CNP: variants seen among roughly 807,000 people sequenced by gnomAD.
CNP encodes 2',3'-cyclic-nucleotide 3'-phosphodiesterase.
A neutral mutation model predicts 37.9 loss-of-function variants in CNP; 8 were observed. That is an observed-to-expected ratio of 0.21 (90% CI 0.12 to 0.38). The LOEUF (loss-of-function observed/expected upper bound fraction) is 0.38, where lower values mean the gene tolerates loss of function less well. CNP is among the 10% of genes least tolerant of loss of function. CNP has a pLI of 1.00. For synonymous variants in CNP, 237 were observed against 238.3 expected, an observed-to-expected ratio of 0.99 and a Z score of 0.05; for missense variants, 457 against 551.0, an observed-to-expected ratio of 0.83 and a Z score of 1.71.
chr17:41,968,169 C>T lies in CNP; in HGVS notation c.105C>T (p.Pro35=). The change falls in exon 2 of 4, where the codon CCC becomes CCT. Residue 35 remains proline, a synonymous_variant. Transcript: ENST00000393892. This position sits in a 1 kb window ranked among gnomAD's most constrained non-coding sequence, Gnocchi z 4.8. ...AGGACAAGCCTGAGCTGCAGTTTCCCTTCCTTCAGGATGAGGACACAGTGG... is the reference window on the plus strand; with the variant it reads ...AGGACAAGCCTGAGCTGCAGTTTCCTTTCCTTCAGGATGAGGACACAGTGG... ...GAKDKPELQF[P]FLQDEDTVAT... The T allele has an allele frequency of 6.2e-7, 1 of 1,614,224 alleles. No homozygotes were observed. Among genetic ancestry groups the T allele is most frequent in the Non-Finnish European group, 8.5e-7 (1 of 1,180,032 alleles).
In CNP at chr17:41,968,298, C is replaced by G. The variant is rs1555643222; in HGVS notation, c.234C>G (p.Thr78=). 6.2e-7 allele frequency: 1 copy of G among 1,614,104 alleles called. No homozygotes were observed. The highest frequency in any genetic ancestry group is 1.3e-5 in the African/African-American group (1 of 75,062). ...RVIVDKYRDG[T]KMVSADAYKI... The stretch of plus-strand genomic sequence containing the variant: ...TCGTGGACAAGTACCGTGATGGCAC[C>G]AAGATGGTGTCGGCTGACGCTTACA... Residue 78 remains threonine (T), a synonymous_variant, in exon 2 of 4, where the codon ACC becomes ACG. Coordinates refer to ENST00000393892, the MANE Select transcript of CNP (RefSeq NM_033133.5). The surrounding 1 kb of genome is among the most constrained non-coding windows in gnomAD (Gnocchi z 4.8).
chr17:41,966,871 C>T lies in CNP; in HGVS notation c.-14C>T, dbSNP rs1041811285. 13 of 1,352,440 alleles carry T rather than the reference C, an allele frequency of 9.6e-6. No homozygotes were observed. The highest frequency in any genetic ancestry group is 1.8e-5 in the South Asian group (1 of 56,702). The allele number at this position is 1,352,440 out of a possible 1,614,324, so 83.8% of individuals were successfully genotyped here. ...GTGCCGGCAGAGGCGGCGACGGTGG[C>T]GCCCCTCCTCATCATGGTGAGAGGC... On this transcript the variant is annotated 5_prime_UTR_variant, in exon 1 of 4. Coordinates refer to ENST00000393892, the MANE Select transcript of CNP (RefSeq NM_033133.5).
chr17:41,974,066 A>C lies in CNP; in HGVS notation c.*142A>C. On this transcript the variant is annotated 3_prime_UTR_variant, in exon 4 of 4. Coordinates refer to ENST00000393892, the MANE Select transcript of CNP (RefSeq NM_033133.5). ...CCTGTAACTTTTTAAAAACTTGTAA[A>C]ATAACTGACCCTCCCTTCCTGTCCG... 1.4e-6 allele frequency: 1 copy of C among 695,254 alleles called. No individual in the cohort carries two copies. 43.1% of individuals were successfully genotyped at this position (695,254 alleles called of 1,614,324 possible). A position where few individuals can be genotyped will look rare whatever the true frequency, so the allele number is the denominator to read the frequency against.
Position 41,975,040 on chromosome 17 carries a change from C to T in CNP, c.*1116C>T, listed in dbSNP as rs1244159906. 2.6e-5 allele frequency: 4 copies of T among 152,434 alleles called. No homozygotes were observed. The East Asian group carries it at 5.8e-4, about 22-fold the overall frequency. 9.4% of individuals were successfully genotyped at this position (152,434 alleles called of 1,614,324 possible). A position where few individuals can be genotyped will look rare whatever the true frequency, so the allele number is the denominator to read the frequency against. On this transcript the variant is annotated 3_prime_UTR_variant, in exon 4 of 4. Transcript: ENST00000393892. ...TGGTTCCTGGGGTGCCCTCCACTGC[C>T]CTCTGTTCAGTAACAGGGCCTTGCT...
Position 41,968,540 on chromosome 17 carries a change from C to T in CNP, c.476C>T (p.Ala159Val). The change falls in exon 2 of 4, where the codon GCC (alanine) becomes GTC (valine). Residue 159 changes from alanine (A) to valine (V), a missense_variant. Ala to Val is a moderately conservative substitution (Grantham distance 64). Around this residue, in one of 2 missense-constraint regions of CNP, gnomAD observed 166 missense variants for 259.3 expected, o/e 0.64. Coordinates refer to ENST00000393892, the MANE Select transcript of CNP (RefSeq NM_033133.5). The surrounding 1 kb of genome is among the most constrained non-coding windows in gnomAD (Gnocchi z 4.8). ...EPKTAWRLDC[A>V]QLKEKNQWQL... Reference sequence around the variant, plus strand: ...AAGACGGCGTGGCGGCTGGACTGTGCCCAGCTCAAGGAGAAGAACCAGTGG... The same window carrying T: ...AAGACGGCGTGGCGGCTGGACTGTGTCCAGCTCAAGGAGAAGAACCAGTGG... The T allele has an allele frequency of 6.2e-7, 1 of 1,614,092 alleles. No homozygotes were observed. The highest frequency in any genetic ancestry group is 1.3e-5 in the African/African-American group (1 of 75,024).
intron 3 of CNP, among the ~76,000 whole-genome samples, chr17:41,972,452 G>A (rs1555643977): frequency 6.6e-6 from 1 of 152,100 alleles, no homozygotes; most frequent in African/African-American, 2.4e-5. Context: ...CCAGAGTGAG[G>A]GAGTTTCATA....
rs2051022167 is a variant in CNP at position 41,973,468 on chromosome 17, TC to T, written c.817-3del. On this transcript the variant is annotated splice_region_variant and splice_polypyrimidine_tract_variant and intron_variant, in intron 3 of 3. Coordinates refer to ENST00000393892, the MANE Select transcript of CNP (RefSeq NM_033133.5). ...TAGCTTGGGCCCCTCTTTCTCACTC[TC>T]CCCAGGTGTTAAAGAAATCTTACTC... 1.2e-6 allele frequency: 2 copies of T among 1,609,200 alleles called. No individual in the cohort carries two copies. The highest frequency in any genetic ancestry group is 2.2e-5 in the East Asian group (1 of 44,798).
At chr17:41,967,800 C>T in intron 1 of CNP, 3 of 1,294,074 alleles carry the variant, frequency 2.3e-6, no homozygotes, top group Non-Finnish European at 3.0e-6. Flanking sequence ...GAACCGCAGG[C>T]TCCTGGCGCG....
rs1324778407 is a variant in CNP, at chr17:41,973,848, A to G, written c.1190A>G (p.Tyr397Cys). Residue 397 changes from tyrosine to cysteine, a missense_variant, in exon 4 of 4, where the codon TAC becomes TGC. Around this residue, in one of 2 missense-constraint regions of CNP, gnomAD observed 291 missense variants for 291.7 expected, o/e 1.00. Coordinates refer to ENST00000393892, the MANE Select transcript of CNP (RefSeq NM_033133.5). ...GAGGTCAGGGCCATCTTCACGGGGT[A>G]CTACGGGAAAGGCAAACCTGTGCCC... ...NMEVRAIFTG[Y>C]YGKGKPVPTQ... 1 of 1,602,092 alleles carries G rather than the reference A, an allele frequency of 6.2e-7. No individual in the cohort carries two copies. The highest frequency in any genetic ancestry group is 1.3e-5 in the African/African-American group (1 of 74,746).
At chr17:41,971,800 G>A (rs527338262) in intron 2 of CNP, 92 bp from the exon 3 acceptor site, 7 of 1,535,464 alleles carry the variant, frequency 4.6e-6, no homozygotes, top group African/African-American at 2.7e-5. Context: ...CTTAGTGTCC[G>A]AGTGTTTTGC....
intron 2 of CNP, 136 bp from the exon 3 acceptor site, chr17:41,971,756 G>T: frequency 6.0e-6 from 7 of 1,165,508 alleles, no homozygotes; most frequent in Non-Finnish European, 8.5e-6. Context: ...ACTAACCAAT[G>T]AATGAGCTGT....
In CNP at chr17:41,976,986, T is replaced by TAC. The variant is rs2051100696; in HGVS notation, c.*3063_*3064dup. The TAC allele has an allele frequency of 7.8e-6, 5 of 644,094 alleles. No individual in the cohort carries two copies. The South Asian group carries it at 1.0e-4, about 13-fold the overall frequency. 39.9% of individuals were successfully genotyped at this position (644,094 alleles called of 1,614,324 possible). ...TCTGACCTCAGCATTATCTATATAG[T>TAC]ACCTTTGCTCTTGCAGAGAAGCCTT... On this transcript the variant is annotated 3_prime_UTR_variant, in exon 4 of 4. Transcript: ENST00000393892.
chr17:41,966,795 A>G lies in CNP; in HGVS notation c.-90A>G, dbSNP rs375391099. Reference sequence around the variant, plus strand: ...AAAGCGGCCGGGCTCGGGTCGTGCCACCGCTGGACTCCCGTGTCCCTCCGC... The same window carrying G: ...AAAGCGGCCGGGCTCGGGTCGTGCCGCCGCTGGACTCCCGTGTCCCTCCGC... On this transcript the variant is annotated 5_prime_UTR_variant, in exon 1 of 4. Transcript: ENST00000393892. 3.7e-5 allele frequency: 50 copies of G among 1,336,066 alleles called. No individual in the cohort carries two copies. The highest frequency in any genetic ancestry group is 2.8e-4 in the Middle Eastern group (1 of 3,588). 82.8% of individuals were successfully genotyped at this position (1,336,066 alleles called of 1,614,324 possible).
rs1555644267 is a variant in CNP, at chr17:41,973,882, T to TAGC, written c.1225_1227dup (p.Ser409dup). 1.9e-6 allele frequency: 3 copies of TAGC among 1,569,170 alleles called. No homozygotes were observed. The highest frequency in any genetic ancestry group is 2.4e-5 in the South Asian group (2 of 84,036). ...AAGGCAAACCTGTGCCCACGCAAGG[T>TAGC]AGCCGGAAGGGGGGCGCCTTGCAGT... On this transcript the variant is annotated inframe_insertion, in exon 4 of 4. Coordinates refer to ENST00000393892, the MANE Select transcript of CNP (RefSeq NM_033133.5).
intron 1 of CNP, chr17:41,967,844 A>G (rs2050925158): frequency 1.4e-6 from 2 of 1,385,208 alleles, no homozygotes; most frequent in Middle Eastern, 5.4e-4. Flanking sequence ...ACCTTTCCGA[A>G]GTGGCAGGAA....
At position 41,977,021 on chromosome 17, in the gene CNP, C is replaced by A; in HGVS notation, c.*3097C>A. The A allele has an allele frequency of 1.6e-6, 1 of 638,662 alleles. No individual in the cohort carries two copies. Among genetic ancestry groups the A allele is most frequent in the Non-Finnish European group, 2.7e-6 (1 of 371,716 alleles). 39.6% of individuals were successfully genotyped at this position (638,662 alleles called of 1,614,324 possible). A position where few individuals can be genotyped will look rare whatever the true frequency, so the allele number is the denominator to read the frequency against. ...CTTGCAGAGAAGCCTTGGTACTAGGCAGTTAGAGATGCCTCCCTGACCCTG... is the reference window on the plus strand; with the variant it reads ...CTTGCAGAGAAGCCTTGGTACTAGGAAGTTAGAGATGCCTCCCTGACCCTG... On this transcript the variant is annotated 3_prime_UTR_variant, in exon 4 of 4. Coordinates refer to ENST00000393892, the MANE Select transcript of CNP (RefSeq NM_033133.5).
At position 41,973,655 on chromosome 17, in the gene CNP, C is replaced by T; in HGVS notation, c.997C>T (p.Leu333Phe). 6.2e-7 allele frequency: 1 copy of T among 1,614,100 alleles called. No individual in the cohort carries two copies. Among genetic ancestry groups the T allele is most frequent in the South Asian group, 1.1e-5 (1 of 91,074 alleles). The change falls in exon 4 of 4, where the codon CTC (leucine) becomes TTC (phenylalanine). Residue 333 changes from leucine (L) to phenylalanine (F), a missense_variant. Physicochemically the swap from Leu to Phe is conservative, Grantham distance 22. Around this residue, in one of 2 missense-constraint regions of CNP, gnomAD observed 291 missense variants for 291.7 expected, o/e 1.00. Coordinates refer to ENST00000393892, the MANE Select transcript of CNP (RefSeq NM_033133.5). ...GCGGGGGAGCCGCGCCCACATCACC[C>T]TCGGCTGTGCAGCTGACGTAGAGGC... The part of the protein sequence containing the change: ...LPRGSRAHIT[L>F]GCAADVEAVQ...
In CNP at chr17:41,976,890, T is replaced by C. The variant is rs1173407691; in HGVS notation, c.*2966T>C. On this transcript the variant is annotated 3_prime_UTR_variant, in exon 4 of 4. Coordinates refer to ENST00000393892, the MANE Select transcript of CNP (RefSeq NM_033133.5). ...AACTCAAACACAGAGAGAAACTCTATGGGTATCAAACAGCTCAGGCTGTTT... is the reference window on the plus strand; with the variant it reads ...AACTCAAACACAGAGAGAAACTCTACGGGTATCAAACAGCTCAGGCTGTTT... The C allele has an allele frequency of 1.5e-6, 2 of 1,291,772 alleles. No homozygotes were observed. The highest frequency in any genetic ancestry group is 2.4e-5 in the East Asian group (1 of 41,846). The allele number at this position is 1,291,772 out of a possible 1,614,324, so 80.0% of individuals were successfully genotyped here.
intron 1 of CNP, chr17:41,967,256 A>C: frequency 1.4e-4 from 26 of 189,912 alleles, no homozygotes; most frequent in East Asian, 3.5e-4. Context: ...ATCACGCGGA[A>C]CCGCTGCCCC....
Sources: allele counts gnomAD v4.1 joint callset (sites outside exome capture counted in the v4.1 genomes callset), GRCh38; gene constraint gnomAD v4.1.1; regional missense constraint gnomAD v4.1.1; non-coding constraint Gnocchi (gnomAD v3.1); transcripts MANE v1.5; gene names NCBI Gene and HGNC (gene_info 2026-07-23, HGNC 2026-07-21).